TPST2: variants seen among roughly 807,000 people sequenced by gnomAD.
TPST2 encodes the protein protein-tyrosine sulfotransferase 2.
TPST2 carries 16 observed loss-of-function variants against 27.8 expected under a neutral mutation model. The observed-to-expected ratio is 0.58, with a 90% CI of 0.39 to 0.88. The LOEUF (loss-of-function observed/expected upper bound fraction) is 0.88, where lower values mean the gene tolerates loss of function less well. TPST2 is among the 40% of genes least tolerant of loss of function. TPST2 has a pLI of 0.00. For synonymous variants in TPST2, 229 were observed against 231.7 expected (o/e 0.99, Z 0.10); for missense variants, 464 against 543.1 (o/e 0.85, Z 1.45).
chr22:26,530,814 A>C (rs1925116209), intron 5 of TPST2, among the ~76,000 whole-genome samples: 1 of 152,156 alleles, frequency 6.6e-6, no homozygotes, highest in Non-Finnish European at 1.5e-5. Flanking sequence ...GTTCGAGACC[A>C]GCCTGGCCAA....
At chr22:26,568,019 T>C (rs1927443630) in intron 1 of TPST2, among the ~76,000 whole-genome samples, 1 of 152,360 alleles carries the variant, frequency 6.6e-6, no homozygotes, top group African/African-American at 2.4e-5. Context: ...AAAGCCTGAA[T>C]GTGCACCTTC....
Position 26,541,131 on chromosome 22 carries a change from A to G in TPST2, c.500T>C (p.Val167Ala). 1 of 1,607,740 alleles carries G rather than the reference A, an allele frequency of 6.2e-7. No homozygotes were observed. The highest frequency in any genetic ancestry group is 8.5e-7 in the Non-Finnish European group (1 of 1,175,662). Residue 167 changes from valine to alanine, a missense_variant, in exon 3 of 7, where the codon GTC becomes GCC. Coordinates refer to ENST00000338754, the MANE Select transcript of TPST2 (RefSeq NM_003595.5). The surrounding 1 kb of genome is among the most constrained non-coding windows in gnomAD (Gnocchi z 5.9). ...NKDPFTLKSS[V>A]YLSRLFPNSK... ...GTTGGGGAACAGGCGCGACAGGTAG[A>G]CCGAGGACTTGAGCGTAAATGGGTC... is the stretch of plus-strand genomic sequence containing the variant.
chr22:26,548,798 CA>C (rs199692504), intron 1 of TPST2, among the ~76,000 whole-genome samples: 1,542 of 98,766 alleles, frequency 0.016, 10 homozygotes, highest in Non-Finnish European at 0.021. Context: ...CCCATCACTA[CA>C]AAAAAAAATT....
intron 1 of TPST2, among the ~76,000 whole-genome samples, chr22:26,558,880 T>C (rs1342019243): frequency 2.0e-5 from 3 of 152,180 alleles, no homozygotes; most frequent in Admixed American, 6.5e-5. Flanking sequence ...AGTGTTTAAA[T>C]AGGACAAGTG....
At chr22:26,585,258 G>GTAT (rs1363004794) in intron 1 of TPST2, among the ~76,000 whole-genome samples, 3 of 152,184 alleles carry the variant, frequency 2.0e-5, no homozygotes, top group African/African-American at 7.2e-5. Context: ...AAGTCACTCG[G>GTAT]CAGACGGGCT....
At chr22:26,574,150 G>T (rs963559557) in intron 1 of TPST2, among the ~76,000 whole-genome samples, 1 of 152,154 alleles carries the variant, frequency 6.6e-6, no homozygotes, top group East Asian at 1.9e-4. Flanking sequence ...GCCATTACCA[G>T]GAAGCAAAAT....
chr22:26,555,071 T>A, intron 1 of TPST2: 1 of 517,804 alleles, frequency 1.9e-6, no homozygotes. Flanking sequence ...GCAGATTTCC[T>A]GGGGCCTGCC....
At chr22:26,578,236 A>G (rs920423067) in intron 1 of TPST2, among the ~76,000 whole-genome samples, 9 of 152,182 alleles carry the variant, frequency 5.9e-5, no homozygotes, top group Non-Finnish European at 5.9e-5. Flanking sequence ...GCCAAGGCAC[A>G]GAAAGGTGAA....
intron 1 of TPST2, among the ~76,000 whole-genome samples, chr22:26,557,773 G>A (rs113712116): frequency 0.094 from 8,952 of 95,360 alleles, 357 homozygotes; most frequent in East Asian, 0.12. Context: ...GGGGTCAGAC[G>A]TGGTGGCCCA....
In TPST2 at chr22:26,536,276, G is replaced by A. The variant is rs901422194; in HGVS notation, c.1041+12C>T. 4 of 1,613,948 alleles carry A rather than the reference G, an allele frequency of 2.5e-6. No individual in the cohort carries two copies. The highest frequency in any genetic ancestry group is 2.7e-5 in the African/African-American group (2 of 74,904). ...CAAGAGTACACTTCCACAAGTACAG[G>A]TGCACACTCACCCGCTGTGTGTTGT... On this transcript the variant is annotated intron_variant, in intron 4 of 6. Coordinates refer to ENST00000338754, the MANE Select transcript of TPST2 (RefSeq NM_003595.5).
intron 3 of TPST2, 57 bp from the exon 4 acceptor site, chr22:26,536,543 G>A: frequency 7.1e-7 from 1 of 1,399,338 alleles, no homozygotes; most frequent in Non-Finnish European, 9.4e-7. Context: ...CGCCTGAGCG[G>A]ATTCCCTGCT....
chr22:26,570,301 G>C (rs1927581906), intron 1 of TPST2, among the ~76,000 whole-genome samples: 1 of 152,066 alleles, frequency 6.6e-6, no homozygotes, highest in Non-Finnish European at 1.5e-5. Flanking sequence ...GGAACTTCAA[G>C]GACAATTGAG....
At chr22:26,549,909 G>A (rs1926370829) in intron 1 of TPST2, among the ~76,000 whole-genome samples, 1 of 147,306 alleles carries the variant, frequency 6.8e-6, no homozygotes, top group Admixed American at 6.8e-5. Context: ...GTGGGGGATC[G>A]CGCTTGGGAG....
chr22:26,578,132 T>G (rs1324265496), intron 1 of TPST2, among the ~76,000 whole-genome samples: 2 of 152,142 alleles, frequency 1.3e-5, no homozygotes, highest in African/African-American at 4.8e-5. Flanking sequence ...TGACCTCAGG[T>G]GATCCGCGCA....
intron 1 of TPST2, among the ~76,000 whole-genome samples, chr22:26,564,297 C>T (rs1927275246): frequency 6.6e-6 from 1 of 152,188 alleles, no homozygotes; most frequent in Non-Finnish European, 1.5e-5. Context: ...AAGGTTACAG[C>T]TCACCCAGCA....
intron 1 of TPST2, among the ~76,000 whole-genome samples, chr22:26,556,855 T>C (rs1365288205): frequency 1.3e-5 from 2 of 152,138 alleles, no homozygotes; most frequent in Non-Finnish European, 2.9e-5. Context: ...ACAAGAGCAG[T>C]AGGGATTTGC....
chr22:26,549,618 C>G, intron 1 of TPST2, among the ~76,000 whole-genome samples: 1 of 128,112 alleles, frequency 7.8e-6, no homozygotes, highest in African/African-American at 3.1e-5. Flanking sequence ...GATCATGCCA[C>G]TGCACTCCAG....
intron 1 of TPST2, among the ~76,000 whole-genome samples, chr22:26,552,938 T>C (rs1926561065): frequency 6.6e-6 from 1 of 151,802 alleles, no homozygotes; most frequent in South Asian, 2.1e-4. Context: ...CGGGCGCCTG[T>C]AGTCCCAGCT....
intron 5 of TPST2, among the ~76,000 whole-genome samples, chr22:26,529,943 G>GTCCCAC (rs1925061091): frequency 6.6e-6 from 1 of 152,114 alleles, no homozygotes; most frequent in African/African-American, 2.4e-5. Flanking sequence ...TTGGGGAGAG[G>GTCCCAC]TCCCACTCCC....
Sources: allele counts gnomAD v4.1 joint callset (sites outside exome capture counted in the v4.1 genomes callset), GRCh38; gene constraint gnomAD v4.1.1; non-coding constraint Gnocchi (gnomAD v3.1); transcripts MANE v1.5; gene names NCBI Gene and HGNC (gene_info 2026-07-23, HGNC 2026-07-21).